The following PLXDC2 variants were observed in gnomAD, a reference collection of about 807,000 sequenced individuals.
PLXDC2 encodes plexin domain containing 2.
A neutral mutation model predicts 68.9 loss-of-function variants in PLXDC2; 40 were observed. That is an observed-to-expected ratio of 0.58 (90% confidence interval 0.45 to 0.76). The LOEUF (loss-of-function observed/expected upper bound fraction) is 0.76, where lower values mean the gene tolerates loss of function less well. PLXDC2 is among the 30% of genes least tolerant of loss of function. PLXDC2 has a pLI of 0.00. For missense variants in PLXDC2, 644 were observed against 661.9 expected, an observed-to-expected ratio of 0.97 and a Z score of 0.30; for synonymous variants, 243 against 234.2, an observed-to-expected ratio of 1.04 and a Z score of -0.34.
intron 1 of PLXDC2, among the ~76,000 whole-genome samples, chr10:19,889,390 T>G (rs1036638587): frequency 8.5e-5 from 13 of 152,084 alleles, no homozygotes; most frequent in African/African-American, 3.1e-4. Flanking sequence ...GGAATGCAAA[T>G]CATTAAATGA....
At chr10:20,012,336 G>A (rs199498199) in intron 2 of PLXDC2, among the ~76,000 whole-genome samples, 7 of 33,158 alleles carry the variant, frequency 2.1e-4, no homozygotes, top group Non-Finnish European at 4.2e-4. Flanking sequence ...TTTTTTTTTG[G>A]AGAAGGAGAC....
intron 1 of PLXDC2, among the ~76,000 whole-genome samples, chr10:19,854,179 G>A (rs1837171589): frequency 6.6e-6 from 1 of 152,170 alleles, no homozygotes; most frequent in East Asian, 1.9e-4. Context: ...CTGCAGCAGG[G>A]CGAGTGGATG....
chr10:20,183,480 G>T (rs141593180), intron 9 of PLXDC2, among the ~76,000 whole-genome samples: 13 of 152,036 alleles, frequency 8.6e-5, no homozygotes, highest in African/African-American at 1.7e-4. Context: ...TTGTCACTCA[G>T]GAAACAAGTG....
intron 1 of PLXDC2, among the ~76,000 whole-genome samples, chr10:19,925,148 G>T (rs1833519485): frequency 6.6e-6 from 1 of 152,202 alleles, no homozygotes; most frequent in African/African-American, 2.4e-5. Context: ...TAACATCAAA[G>T]TGCCGGAGAA....
At chr10:19,966,500 A>G (rs1271954413) in intron 1 of PLXDC2, among the ~76,000 whole-genome samples, 1 of 81,866 alleles carries the variant, frequency 1.2e-5, no homozygotes, top group East Asian at 3.7e-4. Context: ...GCTGTATGAT[A>G]TAGATATAGA....
intron 12 of PLXDC2, among the ~76,000 whole-genome samples, chr10:20,228,592 C>CAGGAAGGA (rs35952817): frequency 6.4e-5 from 9 of 139,684 alleles, no homozygotes; most frequent in Admixed American, 1.5e-4. Flanking sequence ...GGCAGGAAGG[C>CAGGAAGGA]AGGAAGGAAG....
chr10:19,928,621 G>A (rs929847590), intron 1 of PLXDC2, among the ~76,000 whole-genome samples: 44 of 152,256 alleles, frequency 2.9e-4, no homozygotes, highest in Middle Eastern at 3.4e-3. Context: ...ACCCCTTGGC[G>A]GGGCTTAATT....
chr10:19,880,753 G>C (rs1214535849), intron 1 of PLXDC2, among the ~76,000 whole-genome samples: 2 of 151,786 alleles, frequency 1.3e-5, no homozygotes, highest in Non-Finnish European at 2.9e-5. Flanking sequence ...TTCTTTTAGG[G>C]CCTCTACCTT....
intron 1 of PLXDC2, among the ~76,000 whole-genome samples, chr10:19,854,240 G>T (rs1462172224): frequency 6.6e-6 from 1 of 152,324 alleles, no homozygotes. Flanking sequence ...TATAAACTGT[G>T]TTTAGGACAG....
chr10:20,041,476 AC>A (rs1445976856), intron 2 of PLXDC2, among the ~76,000 whole-genome samples: 1 of 152,108 alleles, frequency 6.6e-6, no homozygotes, highest in Non-Finnish European at 1.5e-5. Flanking sequence ...TCTATTGAAA[AC>A]CTCAGTAGGA....
At chr10:20,083,114 G>A (rs1589620765) in intron 4 of PLXDC2, among the ~76,000 whole-genome samples, 3 of 152,248 alleles carry the variant, frequency 2.0e-5, no homozygotes, top group South Asian at 4.2e-4. Context: ...TAAGAGACTT[G>A]ACAGATGGCT....
chr10:20,238,595 C>T (rs532696129), intron 12 of PLXDC2, among the ~76,000 whole-genome samples: 3 of 144,822 alleles, frequency 2.1e-5, no homozygotes, highest in Admixed American at 7.1e-5. Context: ...TGCAGTGAGC[C>T]GAGATCGCAC....
At chr10:19,874,360 A>G (rs1837595811) in intron 1 of PLXDC2, among the ~76,000 whole-genome samples, 2 of 152,188 alleles carry the variant, frequency 1.3e-5, no homozygotes, top group South Asian at 4.1e-4. Context: ...ACTGGTTAGT[A>G]CTGAGGGGAG....
chr10:20,017,593 C>T (rs1835234864), intron 2 of PLXDC2, among the ~76,000 whole-genome samples: 1 of 152,238 alleles, frequency 6.6e-6, no homozygotes, highest in African/African-American at 2.4e-5. Flanking sequence ...TGCCCTCACA[C>T]AGACTTCCTC....
chr10:20,012,335 G>GTTTT (rs1835133375), intron 2 of PLXDC2, among the ~76,000 whole-genome samples: 1 of 27,856 alleles, frequency 3.6e-5, no homozygotes. Context: ...TTTTTTTTTT[G>GTTTT]GAGAAGGAGA....
intron 13 of PLXDC2, among the ~76,000 whole-genome samples, chr10:20,275,803 C>T (rs767036556): frequency 6.6e-6 from 1 of 152,088 alleles, no homozygotes; most frequent in Non-Finnish European, 1.5e-5. Context: ...ATCCCAGCTA[C>T]TCAGGAGGCT....
intron 1 of PLXDC2, among the ~76,000 whole-genome samples, chr10:19,918,704 T>G (rs186589372): frequency 1.3e-4 from 20 of 152,320 alleles, no homozygotes; most frequent in African/African-American, 4.8e-4. Flanking sequence ...GGCAGTACTT[T>G]CCCATACTTT....
At position 19,873,346 on chromosome 10, in the gene PLXDC2, G is replaced by A. The variant is rs192337331; in HGVS notation, c.112+56155G>A. Among the ~76,000 whole-genome samples the A allele has an allele frequency of 1.8e-3, 272 of 151,986 alleles. 2 individuals are homozygous for A. The highest frequency in any genetic ancestry group is 5.5e-3 in the African/African-American group (228 of 41,448). ...TGGATTATGGTTTTAGATTTAAAGG[G>A]AGTGTGTATCTAATCCAGCTTTCCA... is the stretch of plus-strand genomic sequence containing the variant. On this transcript the variant is annotated intron_variant, in intron 1 of 13. Transcript: ENST00000377252.
intron 2 of PLXDC2, among the ~76,000 whole-genome samples, chr10:20,009,843 A>T (rs950203139): frequency 4.6e-5 from 7 of 151,608 alleles, no homozygotes; most frequent in Admixed American, 6.6e-5. Flanking sequence ...GGAAACTGCT[A>T]TACAATATTA....
Sources: gnomAD v4.1 joint callset for allele counts (sites outside exome capture counted in the v4.1 genomes callset) on GRCh38, gnomAD v4.1.1 for gene constraint, MANE v1.5 for transcripts, NCBI Gene and HGNC (gene_info 2026-07-23, HGNC 2026-07-21) for gene names.